Variants in ATE1 observed in about 807,000 individuals in gnomAD.
ATE1 encodes arginyl-tRNA--protein transferase 1.
Under a neutral mutation model 70.5 loss-of-function variants are expected in ATE1, and 36 were observed. The observed-to-expected ratio is 0.51, with a 90% CI of 0.39 to 0.67. The LOEUF is 0.67. Among genes scored for constraint, ATE1 ranks in the 30% least tolerant of loss-of-function variants. The probability of loss-of-function intolerance (pLI) is 0.00; values close to 1 mark genes in which losing one functional copy is unlikely to be tolerated. For synonymous variants in ATE1, 232 were observed against 219.3 expected (o/e 1.06, Z -0.51); for missense variants, 593 against 629.5 (o/e 0.94, Z 0.62).
chr10:121,797,882 T>C (rs1946722338), intron 10 of ATE1, among the ~76,000 whole-genome samples: 1 of 152,218 alleles, frequency 6.6e-6, no homozygotes, highest in East Asian at 1.9e-4. Context: ...GGCTTATCAC[T>C]GTCTAACCGT....
chr10:121,853,225 A>G (rs1949121863), intron 8 of ATE1, among the ~76,000 whole-genome samples: 3 of 151,932 alleles, frequency 2.0e-5, no homozygotes, highest in Non-Finnish European at 4.4e-5. Context: ...TTAGCCGGGC[A>G]TGGTGGCGGG....
chr10:121,810,563 C>T (rs1467765135), intron 10 of ATE1, among the ~76,000 whole-genome samples: 1 of 152,106 alleles, frequency 6.6e-6, no homozygotes, highest in Admixed American at 6.5e-5. Flanking sequence ...AGACACCGCG[C>T]CCGGCCACTA....
intron 10 of ATE1, among the ~76,000 whole-genome samples, chr10:121,820,418 G>A (rs1417570882): frequency 2.0e-5 from 3 of 152,012 alleles, no homozygotes; most frequent in Non-Finnish European, 2.9e-5. Flanking sequence ...ATAATAAAAC[G>A]CAACTGACAA....
At chr10:121,878,803 C>G (rs1950140619) in intron 7 of ATE1, among the ~76,000 whole-genome samples, 2 of 152,210 alleles carry the variant, frequency 1.3e-5, no homozygotes, top group Middle Eastern at 6.8e-3. Flanking sequence ...TAGTTCACCT[C>G]TTTTACATAC....
intron 11 of ATE1, among the ~76,000 whole-genome samples, chr10:121,786,483 A>T (rs1214731893): frequency 6.6e-6 from 1 of 152,050 alleles, no homozygotes; most frequent in Non-Finnish European, 1.5e-5. Context: ...AGCCTACGCA[A>T]CGTAGCAAAA....
intron 7 of ATE1, among the ~76,000 whole-genome samples, chr10:121,875,449 C>T (rs111322933): frequency 0.12 from 18,616 of 151,476 alleles, 1,463 homozygotes; most frequent in East Asian, 0.33. Flanking sequence ...GGATTACAGG[C>T]GCCCACCACC....
At chr10:121,826,046 T>C (rs191118908) in intron 10 of ATE1, among the ~76,000 whole-genome samples, 2 of 152,330 alleles carry the variant, frequency 1.3e-5, no homozygotes, top group African/African-American at 4.8e-5. Flanking sequence ...GGTATTATGC[T>C]GAGTAAATTA....
intron 11 of ATE1, among the ~76,000 whole-genome samples, chr10:121,760,137 G>C (rs1590225274): frequency 1.3e-5 from 2 of 152,218 alleles, no homozygotes; most frequent in Non-Finnish European, 2.9e-5. Flanking sequence ...CTGGCAATGT[G>C]CCTGGTTACC....
chr10:121,821,870 C>G (rs1259001995), intron 10 of ATE1, among the ~76,000 whole-genome samples: 1 of 151,990 alleles, frequency 6.6e-6, no homozygotes, highest in Non-Finnish European at 1.5e-5. Flanking sequence ...AACAAACAAA[C>G]AAAAAACACA....
In ATE1 at chr10:121,876,320, C is replaced by A. The variant is rs1424877761; in HGVS notation, c.943-6282G>T. Among the ~76,000 whole-genome samples the A allele has an allele frequency of 2.6e-5, 4 of 152,290 alleles. No individual in the cohort carries two copies. In the East Asian group the frequency reaches 7.7e-4, roughly 29 times the overall value. On this transcript the variant is annotated intron_variant, in intron 7 of 11. Transcript: ENST00000224652. ...GATTTCAAAGTTTGCTAACACATAT[C>A]CTAATTAATGAGCTACTTCACTAAA...
intron 11 of ATE1, among the ~76,000 whole-genome samples, chr10:121,770,215 TAAGAAA>T (rs1173441758): frequency 1.9e-5 from 2 of 104,822 alleles, no homozygotes; most frequent in African/African-American, 7.2e-5. Flanking sequence ...ACACTAAGAA[TAAGAAA>T]GACAAGAGAG....
chr10:121,745,599 C>A (rs762231426), intron 11 of ATE1, among the ~76,000 whole-genome samples: 1 of 152,056 alleles, frequency 6.6e-6, no homozygotes, highest in Non-Finnish European at 1.5e-5. Flanking sequence ...TGGTGGCGGG[C>A]GCCTGTAGTC....
intron 1 of ATE1, among the ~76,000 whole-genome samples, chr10:121,925,541 A>G (rs1451379274): frequency 6.6e-6 from 1 of 152,188 alleles, no homozygotes; most frequent in Non-Finnish European, 1.5e-5. Context: ...GCAACTATGA[A>G]AAAAAACGAA....
chr10:121,887,902 T>C (rs2134170920), intron 7 of ATE1, among the ~76,000 whole-genome samples: 1 of 152,138 alleles, frequency 6.6e-6, no homozygotes, highest in South Asian at 2.1e-4. Context: ...AATAATACAA[T>C]TAGACAAATC....
At chr10:121,840,488 G>C (rs977327437) in intron 9 of ATE1, among the ~76,000 whole-genome samples, 1 of 152,052 alleles carries the variant, frequency 6.6e-6, no homozygotes, top group Non-Finnish European at 1.5e-5. Context: ...AAAAAAGAAA[G>C]TAGAAGATAA....
chr10:121,902,875 CT>C (rs1032056871), intron 5 of ATE1, among the ~76,000 whole-genome samples: 1 of 151,274 alleles, frequency 6.6e-6, no homozygotes, highest in African/African-American at 2.4e-5. Flanking sequence ...TCTTTTTTTT[CT>C]TTTTTTTGAG....
intron 11 of ATE1, among the ~76,000 whole-genome samples, chr10:121,781,496 T>A (rs1047150653): frequency 6.6e-6 from 1 of 152,242 alleles, no homozygotes; most frequent in African/African-American, 2.4e-5. Flanking sequence ...TCAAAAGGAC[T>A]GAGCTCCAGT....
intron 10 of ATE1, among the ~76,000 whole-genome samples, chr10:121,802,368 G>C (rs1234039318): frequency 6.6e-6 from 1 of 151,710 alleles, no homozygotes; most frequent in South Asian, 2.1e-4. Flanking sequence ...GAGTGCAGTG[G>C]CACCATCTTG....
At chr10:121,890,097 T>C (rs1346958531) in intron 7 of ATE1, among the ~76,000 whole-genome samples, 1 of 152,116 alleles carries the variant, frequency 6.6e-6, no homozygotes, top group Non-Finnish European at 1.5e-5. Flanking sequence ...TTCTTTCAAC[T>C]TTTCTGTTCA....
Sources: allele counts gnomAD v4.1 joint callset (sites outside exome capture counted in the v4.1 genomes callset), GRCh38; gene constraint gnomAD v4.1.1; transcripts MANE v1.5; gene names NCBI Gene and HGNC (gene_info 2026-07-23, HGNC 2026-07-21).